PDLIM5: variants seen among roughly 807,000 people sequenced by gnomAD.
PDLIM5 encodes PDZ and LIM domain protein 5.
In PDLIM5, 34 loss-of-function variants were observed where a neutral mutation model predicts 64.2. That is an observed-to-expected ratio of 0.53 (90% CI 0.40 to 0.71). The LOEUF (loss-of-function observed/expected upper bound fraction) is 0.71. Among genes scored for constraint, PDLIM5 ranks in the 30% least tolerant of loss-of-function variants. The pLI, the probability that PDLIM5 is intolerant of heterozygous loss-of-function variation, is 0.00. For missense variants in PDLIM5, 683 were observed against 733.6 expected (o/e 0.93, Z 0.80); for synonymous variants, 253 against 269.1 (o/e 0.94, Z 0.59).
At chr4:94,568,866 G>A (rs1201990293) in intron 3 of PDLIM5, among the ~76,000 whole-genome samples, 3 of 152,176 alleles carry the variant, frequency 2.0e-5, no homozygotes, top group African/African-American at 7.2e-5. Flanking sequence ...AACAAGTTAA[G>A]TGTTATATCT....
intron 9 of PDLIM5, among the ~76,000 whole-genome samples, chr4:94,649,933 T>C (rs1741710505): frequency 6.6e-6 from 1 of 152,250 alleles, no homozygotes. Context: ...GAGAAGCAAG[T>C]CATTTATGCC....
At chr4:94,564,902 C>G (rs187404125) in intron 3 of PDLIM5, among the ~76,000 whole-genome samples, 2 of 151,734 alleles carry the variant, frequency 1.3e-5, no homozygotes, top group Non-Finnish European at 2.9e-5. Flanking sequence ...GTGATCCGCC[C>G]GCCTCGGCCT....
chr4:94,629,015 C>G (rs1192805439), intron 8 of PDLIM5, among the ~76,000 whole-genome samples: 2 of 151,922 alleles, frequency 1.3e-5, no homozygotes, highest in East Asian at 1.9e-4. Flanking sequence ...GACTTGTCTT[C>G]CCACTCTAAG....
At chr4:94,624,633 T>C (rs1739519151) in intron 8 of PDLIM5, among the ~76,000 whole-genome samples, 1 of 152,234 alleles carries the variant, frequency 6.6e-6, no homozygotes, top group Admixed American at 6.5e-5. Context: ...AATATTTTAA[T>C]GTTTGTGCCT....
intron 2 of PDLIM5, among the ~76,000 whole-genome samples, chr4:94,516,781 C>T (rs1729400258): frequency 6.6e-6 from 1 of 152,152 alleles, no homozygotes; most frequent in Non-Finnish European, 1.5e-5. Flanking sequence ...ATCCTCCCAC[C>T]TCAGTCTCCC....
chr4:94,543,956 C>T (rs778208486), intron 3 of PDLIM5, among the ~76,000 whole-genome samples: 4 of 152,024 alleles, frequency 2.6e-5, no homozygotes, highest in Non-Finnish European at 5.9e-5. Context: ...GTGGGATTGT[C>T]GGATCATATG....
chr4:94,559,014 G>A (rs1304052695), intron 3 of PDLIM5, among the ~76,000 whole-genome samples: 2 of 151,846 alleles, frequency 1.3e-5, no homozygotes, highest in Non-Finnish European at 2.9e-5. Flanking sequence ...ATTATTTTTG[G>A]TAAACTAAGG....
At chr4:94,577,312 C>G in intron 5 of PDLIM5, 1 of 456,474 alleles carries the variant, frequency 2.2e-6, no homozygotes, top group South Asian at 1.5e-5. Context: ...GCTGTGCTTT[C>G]TGTAGCACTG....
At chr4:94,547,847 G>T (rs1358578039) in intron 3 of PDLIM5, among the ~76,000 whole-genome samples, 1 of 152,176 alleles carries the variant, frequency 6.6e-6, no homozygotes, top group Non-Finnish European at 1.5e-5. Context: ...GCAGGTGACT[G>T]CACTCCTACA....
intron 11 of PDLIM5, among the ~76,000 whole-genome samples, chr4:94,660,087 G>A (rs1235973468): frequency 1.3e-5 from 2 of 151,726 alleles, no homozygotes; most frequent in Admixed American, 6.6e-5. Flanking sequence ...TAGTGGAGAC[G>A]GGGTTTCACC....
intron 2 of PDLIM5, chr4:94,455,645 A>G: frequency 1.4e-6 from 1 of 725,498 alleles, no homozygotes. Flanking sequence ...AACAGACTGT[A>G]CATTTTTGAA....
At chr4:94,533,928 A>G (rs1042867249) in intron 3 of PDLIM5, among the ~76,000 whole-genome samples, 2 of 152,222 alleles carry the variant, frequency 1.3e-5, no homozygotes, top group Non-Finnish European at 2.9e-5. Context: ...AGGATTGCTT[A>G]GTCAAATGAG....
At position 94,613,960 on chromosome 4, in the gene PDLIM5, CT is replaced by C. The variant is rs759120575; in HGVS notation, c.921-4023del. On this transcript the variant is annotated intron_variant, in intron 7 of 12. Transcript: ENST00000317968. ...ATAATATGGCCAGTGACTTTTAATC[CT>C]TTTTTTTTTTTTTTTTTTTTGAGAC... Among the ~76,000 whole-genome samples, 1,150 of 124,310 alleles carry C rather than the reference CT, an allele frequency of 9.3e-3. 17 individuals are homozygous for C. The highest frequency in any genetic ancestry group is 0.039 in the Admixed American group (475 of 12,226). The allele number at this position is 124,310 out of a possible 152,430, so 81.6% of individuals were successfully genotyped here.
In PDLIM5 at chr4:94,664,296, A is replaced by G; in HGVS notation, c.*229A>G. 1 of 861,906 alleles carries G rather than the reference A, an allele frequency of 1.2e-6. No homozygotes were observed. The highest frequency in any genetic ancestry group is 1.4e-6 in the Non-Finnish European group (1 of 693,858). The allele number at this position is 861,906 out of a possible 1,614,324, so 53.4% of individuals were successfully genotyped here. A position where few individuals can be genotyped will look rare whatever the true frequency, so the allele number is the denominator to read the frequency against. ...TTTTCCTGTATTTTATGCCCATAAA[A>G]TAAGCTTTATAAAAACCAATTTCCT... On this transcript the variant is annotated 3_prime_UTR_variant, in exon 13 of 13. Transcript: ENST00000317968.
intron 2 of PDLIM5, among the ~76,000 whole-genome samples, chr4:94,499,765 T>G (rs1326653890): frequency 2.0e-5 from 3 of 152,114 alleles, no homozygotes; most frequent in Middle Eastern, 3.2e-3. Context: ...CCGCCTCCTG[T>G]CAGACCAGCA....
At position 94,644,698 on chromosome 4, in the gene PDLIM5, C is replaced by T. The variant is rs566706755; in HGVS notation, c.1283+4248C>T. On this transcript the variant is annotated intron_variant, in intron 9 of 12. Coordinates refer to ENST00000317968, the MANE Select transcript of PDLIM5 (RefSeq NM_006457.5). ...CCAGGACTACAGGCACCTGCCACCA[C>T]GCCCAGCTAATTTTTTGTATTTTTA... is the stretch of plus-strand genomic sequence containing the variant. Among the ~76,000 whole-genome samples, 18 of 152,080 alleles carry T rather than the reference C, an allele frequency of 1.2e-4. No individual in the cohort carries two copies. The South Asian group carries it at 3.3e-3, about 28-fold the overall frequency.
intron 2 of PDLIM5, among the ~76,000 whole-genome samples, chr4:94,521,234 G>C (rs1046050545): frequency 6.6e-6 from 1 of 152,102 alleles, no homozygotes; most frequent in South Asian, 2.1e-4. Context: ...TTTCCAGTGC[G>C]AGAGGTAATG....
chr4:94,481,194 T>G (rs1402671039), intron 2 of PDLIM5, among the ~76,000 whole-genome samples: 1 of 152,214 alleles, frequency 6.6e-6, no homozygotes, highest in African/African-American at 2.4e-5. Context: ...TTGCTTTTTC[T>G]AAGTTTTCAA....
intron 2 of PDLIM5, among the ~76,000 whole-genome samples, chr4:94,469,599 T>G (rs1484149674): frequency 6.6e-6 from 1 of 152,124 alleles, no homozygotes; most frequent in African/African-American, 2.4e-5. Flanking sequence ...AGGTTCCTGG[T>G]AATGAGGAGG....
Sources: gnomAD v4.1 joint callset for allele counts (sites outside exome capture counted in the v4.1 genomes callset) on GRCh38, gnomAD v4.1.1 for gene constraint, MANE v1.5 for transcripts, NCBI Gene and HGNC (gene_info 2026-07-23, HGNC 2026-07-21) for gene names.